The following PDE7A variants were observed in gnomAD, a reference collection of about 807,000 sequenced individuals.
The protein encoded by PDE7A is high affinity 3',5'-cyclic-AMP phosphodiesterase 7A.
A neutral mutation model predicts 64.3 loss-of-function variants in PDE7A; 39 were observed. The observed-to-expected ratio is 0.61, with a 90% CI of 0.47 to 0.79. PDE7A has a LOEUF of 0.79. Among genes scored for constraint, PDE7A ranks in the 30% least tolerant of loss-of-function variants. The pLI is 0.00. For missense variants in PDE7A, 470 were observed against 582.8 expected, an observed-to-expected ratio of 0.81 and a Z score of 1.99; for synonymous variants, 203 against 206.8, an observed-to-expected ratio of 0.98 and a Z score of 0.16.
intron 1 of PDE7A, among the ~76,000 whole-genome samples, chr8:65,824,462 A>G (rs1810618801): frequency 6.6e-6 from 1 of 152,222 alleles, no homozygotes. Flanking sequence ...GACTGACTTC[A>G]ATTTTGGAAG....
In PDE7A at chr8:65,780,658, T is replaced by C. The variant is rs77955265; in HGVS notation, c.200-855A>G. Among the ~76,000 whole-genome samples the C allele has an allele frequency of 4.2e-3, 636 of 152,346 alleles. 2 individuals carry two copies. The highest frequency in any genetic ancestry group is 5.3e-3 in the Non-Finnish European group (359 of 68,022). On this transcript the variant is annotated intron_variant, in intron 2 of 12. Coordinates refer to ENST00000401827, the MANE Select transcript of PDE7A (RefSeq NM_001242318.3). Reference sequence around the variant, plus strand: ...AAAAACTTGACTTTGAGAAGTTAAATAGCATGCTCCATGCCACAAAGCTAG... The same window carrying C: ...AAAAACTTGACTTTGAGAAGTTAAACAGCATGCTCCATGCCACAAAGCTAG...
chr8:65,800,068 G>C (rs1436700275), intron 1 of PDE7A, among the ~76,000 whole-genome samples: 1 of 151,156 alleles, frequency 6.6e-6, no homozygotes, highest in Non-Finnish European at 1.5e-5. Context: ...AACAGCCAAA[G>C]AAGTTAAAGC....
intron 7 of PDE7A, among the ~76,000 whole-genome samples, chr8:65,731,053 T>C (rs1806865445): frequency 6.6e-6 from 1 of 152,220 alleles, no homozygotes; most frequent in Non-Finnish European, 1.5e-5. Flanking sequence ...CATGTGCTGG[T>C]GCTGTTTTAG....
At chr8:65,774,936 T>C (rs1012109817) in intron 3 of PDE7A, among the ~76,000 whole-genome samples, 40 of 152,164 alleles carry the variant, frequency 2.6e-4, no homozygotes, top group Admixed American at 2.6e-4. Context: ...GCAAATAACA[T>C]CTTAGTATTA....
intron 1 of PDE7A, among the ~76,000 whole-genome samples, chr8:65,828,298 C>G (rs1448531359): frequency 6.6e-6 from 1 of 151,966 alleles, no homozygotes; most frequent in African/African-American, 2.4e-5. Flanking sequence ...ATGATTTTAT[C>G]CAAAAATACA....
intron 2 of PDE7A, chr8:65,781,057 T>C (rs564130782): frequency 6.6e-6 from 1 of 152,290 alleles, no homozygotes; most frequent in Non-Finnish European, 1.5e-5. Context: ...ATGACACAAA[T>C]AATAAATACC....
At chr8:65,744,586 G>A (rs1025256970) in intron 5 of PDE7A, among the ~76,000 whole-genome samples, 2 of 152,094 alleles carry the variant, frequency 1.3e-5, no homozygotes, top group African/African-American at 4.8e-5. Flanking sequence ...ATTCTGATAA[G>A]CGCTCTTAAA....
chr8:65,813,029 A>AAC (rs1810294125), intron 1 of PDE7A, among the ~76,000 whole-genome samples: 1 of 152,262 alleles, frequency 6.6e-6, no homozygotes, highest in Non-Finnish European at 1.5e-5. Context: ...ACAGATTTGG[A>AAC]TAACACCATA....
At chr8:65,824,528 T>C (rs952041628) in intron 1 of PDE7A, among the ~76,000 whole-genome samples, 2 of 152,156 alleles carry the variant, frequency 1.3e-5, no homozygotes, top group African/African-American at 4.8e-5. Flanking sequence ...AGAAAAATCT[T>C]TCATGAAAGG....
chr8:65,823,512 A>T (rs1810592741), intron 1 of PDE7A, among the ~76,000 whole-genome samples: 1 of 152,202 alleles, frequency 6.6e-6, no homozygotes, highest in Non-Finnish European at 1.5e-5. Context: ...AACATCACAA[A>T]ATTAAAAATA....
intron 2 of PDE7A, among the ~76,000 whole-genome samples, chr8:65,780,137 TA>T (rs35971102): frequency 6.6e-6 from 1 of 151,096 alleles, no homozygotes; most frequent in Admixed American, 6.6e-5. Context: ...TTTTTTTTTT[TA>T]AAAAAAGGCC....
chr8:65,758,861 C>T (rs946523555), intron 3 of PDE7A, among the ~76,000 whole-genome samples: 13 of 152,164 alleles, frequency 8.5e-5, no homozygotes, highest in Non-Finnish European at 1.9e-4. Context: ...ATCTGTAGCC[C>T]CCCAGGGCTA....
intron 6 of PDE7A, among the ~76,000 whole-genome samples, chr8:65,738,853 A>T (rs185165905): frequency 3.7e-4 from 56 of 152,340 alleles, no homozygotes; most frequent in Non-Finnish European, 6.5e-4. Context: ...AAAGTACAGA[A>T]ATTGTGTCAT....
intron 5 of PDE7A, 142 bp from the exon 6 acceptor site, chr8:65,739,739 T>C: frequency 2.2e-6 from 2 of 912,268 alleles, no homozygotes; most frequent in East Asian, 7.3e-5. Flanking sequence ...ATGCATCTTC[T>C]TACCAGTTAT....
In PDE7A at chr8:65,809,392, G is replaced by C. The variant is rs372450983; in HGVS notation, c.139-26549C>G. ...TTGAAGATCTTTGTATCAAAAAAAA[G>C]TTTTAAAAATATTTTCTTTACTGCA... On this transcript the variant is annotated intron_variant, in intron 1 of 12. Transcript: ENST00000401827. Among the ~76,000 whole-genome samples the C allele has an allele frequency of 3.0e-5, 4 of 135,504 alleles. No homozygotes were observed. The East Asian group carries it at 7.7e-4, about 26-fold the overall frequency. 88.9% of individuals were successfully genotyped at this position (135,504 alleles called of 152,430 possible). A position where few individuals can be genotyped will look rare whatever the true frequency, so the allele number is the denominator to read the frequency against.
At chr8:65,818,936 C>T (rs928447425) in intron 1 of PDE7A, among the ~76,000 whole-genome samples, 1 of 152,216 alleles carries the variant, frequency 6.6e-6, no homozygotes, top group African/African-American at 2.4e-5. Context: ...GCAGTACCTT[C>T]ATGCCAACCA....
chr8:65,781,583 T>C (rs995218716), intron 2 of PDE7A, among the ~76,000 whole-genome samples: 1 of 152,168 alleles, frequency 6.6e-6, no homozygotes, highest in African/African-American at 2.4e-5. Context: ...CAGTAGGATC[T>C]GCTGATGAAT....
chr8:65,763,881 T>C (rs2128916056), intron 3 of PDE7A, among the ~76,000 whole-genome samples: 1 of 152,312 alleles, frequency 6.6e-6, no homozygotes, highest in South Asian at 2.1e-4. Context: ...AAGATTAAGG[T>C]CCAATACGTA....
chr8:65,753,343 T>G (rs562526010), intron 3 of PDE7A, among the ~76,000 whole-genome samples: 4 of 152,290 alleles, frequency 2.6e-5, no homozygotes, highest in Admixed American at 6.5e-5. Flanking sequence ...CCCAAATGGC[T>G]CTCTCCTTCT....
Sources: gnomAD v4.1 joint callset for allele counts (sites outside exome capture counted in the v4.1 genomes callset) on GRCh38, gnomAD v4.1.1 for gene constraint, MANE v1.5 for transcripts, NCBI Gene and HGNC (gene_info 2026-07-23, HGNC 2026-07-21) for gene names.